The following FBXO10 variants were observed in gnomAD, a reference collection of about 807,000 sequenced individuals.
FBXO10 encodes F-box protein 10.
FBXO10 carries 39 observed loss-of-function variants against 80.7 expected under a neutral mutation model. That is an observed-to-expected ratio of 0.48 (90% CI 0.37 to 0.63). The LOEUF is 0.63. FBXO10 is among the 30% of genes least tolerant of loss of function. FBXO10 has a pLI of 0.00. For synonymous variants in FBXO10, 449 were observed against 489.6 expected (o/e 0.92, Z 1.09); for missense variants, 1,025 against 1,269.0 (o/e 0.81, Z 2.92).
chr9:37,573,611 C>T (rs545420836), intron 1 of FBXO10, among the ~76,000 whole-genome samples: 45 of 152,200 alleles, frequency 3.0e-4, no homozygotes, highest in South Asian at 8.3e-4. Context: ...GTAAGACTGA[C>T]CCCATTGGAA....
intron 1 of FBXO10, among the ~76,000 whole-genome samples, chr9:37,542,149 AC>A (rs915771645): frequency 2.5e-4 from 38 of 151,832 alleles, no homozygotes; most frequent in African/African-American, 8.2e-4. Context: ...TTCTTAAAAT[AC>A]CCCCTGCCAT....
intron 1 of FBXO10, among the ~76,000 whole-genome samples, chr9:37,561,191 T>C (rs1588857950): frequency 6.6e-6 from 1 of 151,350 alleles, no homozygotes; most frequent in East Asian, 1.9e-4. Flanking sequence ...TTTTTTTTTT[T>C]TTTAAAGAAG....
intron 1 of FBXO10, among the ~76,000 whole-genome samples, chr9:37,572,298 G>A (rs1822779412): frequency 6.6e-6 from 1 of 152,140 alleles, no homozygotes; most frequent in Non-Finnish European, 1.5e-5. Flanking sequence ...TGGTAGGAAA[G>A]TAAACTGTTC....
chr9:37,524,420 C>T (rs753995707), intron 6 of FBXO10, among the ~76,000 whole-genome samples: 35 of 152,310 alleles, frequency 2.3e-4, no homozygotes, highest in Non-Finnish European at 3.4e-4. Context: ...TCCTGGAACA[C>T]GGCCTGTATA....
intron 1 of FBXO10, among the ~76,000 whole-genome samples, chr9:37,560,863 C>T (rs1822462223): frequency 6.6e-6 from 1 of 152,142 alleles, no homozygotes; most frequent in Non-Finnish European, 1.5e-5. Context: ...TTTTATTTTG[C>T]TGGGCGCGGT....
chr9:37,575,085 A>G (rs1822859048), intron 1 of FBXO10, among the ~76,000 whole-genome samples: 1 of 151,528 alleles, frequency 6.6e-6, no homozygotes, highest in Non-Finnish European at 1.5e-5. Flanking sequence ...GCTGGATTAG[A>G]TGGTTTCCCA....
intron 1 of FBXO10, among the ~76,000 whole-genome samples, chr9:37,566,391 G>C (rs1182054827): frequency 6.6e-6 from 1 of 151,542 alleles, no homozygotes; most frequent in Non-Finnish European, 1.5e-5. Flanking sequence ...CTGGGAGGTG[G>C]AGGTTGCAGT....
At chr9:37,545,235 G>C (rs975521767) in intron 1 of FBXO10, among the ~76,000 whole-genome samples, 7 of 131,712 alleles carry the variant, frequency 5.3e-5, no homozygotes, top group African/African-American at 2.1e-4. Context: ...GGAGTGCAGT[G>C]GTGCGATCTC....
chr9:37,574,944 G>C (rs1365072546), intron 1 of FBXO10, among the ~76,000 whole-genome samples: 1 of 152,160 alleles, frequency 6.6e-6, no homozygotes, highest in East Asian at 1.9e-4. Flanking sequence ...GATTAGAACT[G>C]AGGGAAAGCA....
intron 9 of FBXO10, among the ~76,000 whole-genome samples, chr9:37,517,118 A>G (rs1372586173): frequency 6.6e-6 from 1 of 152,190 alleles, no homozygotes; most frequent in African/African-American, 2.4e-5. Flanking sequence ...CAAATATCCT[A>G]TGTCCTTACT....
chr9:37,524,366 A>C (rs543893608), intron 6 of FBXO10, among the ~76,000 whole-genome samples: 2 of 152,198 alleles, frequency 1.3e-5, no homozygotes, highest in African/African-American at 4.8e-5. Context: ...TCCTCTCCTA[A>C]AATGTCAGTG....
At chr9:37,569,135 ACC>A (rs1300954925) in intron 1 of FBXO10, among the ~76,000 whole-genome samples, 1 of 152,128 alleles carries the variant, frequency 6.6e-6, no homozygotes, top group Non-Finnish European at 1.5e-5. Context: ...AAAAACCAAA[ACC>A]CAATTATATG....
intron 2 of FBXO10, among the ~76,000 whole-genome samples, chr9:37,539,063 C>T (rs886501360): frequency 3.3e-5 from 5 of 152,184 alleles, no homozygotes; most frequent in African/African-American, 4.8e-5. Context: ...GGATTTTATA[C>T]ATATTTCATC....
chr9:37,572,337 T>C (rs1194043873), intron 1 of FBXO10, among the ~76,000 whole-genome samples: 1 of 152,190 alleles, frequency 6.6e-6, no homozygotes. Context: ...AATTGTACTC[T>C]AACATATATA....
intron 4 of FBXO10, among the ~76,000 whole-genome samples, chr9:37,531,611 A>T (rs1026559887): frequency 1.3e-5 from 2 of 152,132 alleles, no homozygotes; most frequent in African/African-American, 4.8e-5. Context: ...CACTCTCTTT[A>T]ACCTTATCAA....
At chr9:37,557,712 A>C (rs1822372396) in intron 1 of FBXO10, among the ~76,000 whole-genome samples, 1 of 152,148 alleles carries the variant, frequency 6.6e-6, no homozygotes, top group African/African-American at 2.4e-5. Context: ...CTTACATACT[A>C]TGTCCCCACA....
intron 1 of FBXO10, among the ~76,000 whole-genome samples, chr9:37,574,222 A>G (rs952780229): frequency 2.6e-5 from 4 of 152,010 alleles, no homozygotes; most frequent in African/African-American, 7.3e-5. Context: ...GTTTTTATCT[A>G]TTTCTACTCA....
chr9:37,534,970 A>C (rs1296379194), intron 3 of FBXO10, among the ~76,000 whole-genome samples: 1 of 152,210 alleles, frequency 6.6e-6, no homozygotes, highest in Non-Finnish European at 1.5e-5. Flanking sequence ...AGGATGACCC[A>C]GGACAAGAGA....
chr9:37,574,254 C>T (rs1255074435), intron 1 of FBXO10, among the ~76,000 whole-genome samples: 1 of 152,112 alleles, frequency 6.6e-6, no homozygotes, highest in African/African-American at 2.4e-5. Context: ...CTTGGCACTG[C>T]CACCAATGCA....
Sources: allele counts gnomAD v4.1 joint callset (sites outside exome capture counted in the v4.1 genomes callset), GRCh38; gene constraint gnomAD v4.1.1; transcripts MANE v1.5; gene names NCBI Gene and HGNC (gene_info 2026-07-23, HGNC 2026-07-21).